Variants in CACNA1S observed in about 807,000 individuals in gnomAD.
CACNA1S encodes the protein calcium voltage-gated channel subunit alpha1 S.
A neutral mutation model predicts 207.4 loss-of-function variants in CACNA1S; 126 were observed. The observed-to-expected ratio is 0.61, with a 90% CI of 0.53 to 0.70. The LOEUF (loss-of-function observed/expected upper bound fraction) is 0.70. Among genes scored for constraint, CACNA1S ranks in the 30% least tolerant of loss-of-function variants. The probability of loss-of-function intolerance (pLI) is 0.00; values close to 1 mark genes in which losing one functional copy is unlikely to be tolerated. For missense variants in CACNA1S, 2,349 were observed against 2,422.8 expected (o/e 0.97, Z 0.64); for synonymous variants, 960 against 932.7 (o/e 1.03, Z -0.53).
At chr1:201,063,184 A>T (rs1661127451) in intron 22 of CACNA1S, among the ~76,000 whole-genome samples, 2 of 148,760 alleles carry the variant, frequency 1.3e-5, no homozygotes, top group African/African-American at 5.0e-5. Flanking sequence ...ATTTTTTTTA[A>T]ATTATACTTT....
chr1:201,070,869 G>T (rs1203887682), intron 16 of CACNA1S, among the ~76,000 whole-genome samples: 1 of 152,142 alleles, frequency 6.6e-6, no homozygotes, highest in Non-Finnish European at 1.5e-5. Context: ...GGGCAGGAGG[G>T]TTGTTGAAAT....
rs1660724805 is a variant in CACNA1S, at chr1:201,053,349, T to C, written c.3796-75A>G. 6.2e-7 allele frequency: 1 copy of C among 1,609,710 alleles called. No individual in the cohort carries two copies. The highest frequency in any genetic ancestry group is 1.7e-5 in the Admixed American group (1 of 59,960). On this transcript the variant is annotated intron_variant, in intron 30 of 43. Coordinates refer to ENST00000362061, the MANE Select transcript of CACNA1S (RefSeq NM_000069.3). The surrounding 1 kb of genome is among the most constrained non-coding windows in gnomAD (Gnocchi z 5.1). The stretch of plus-strand genomic sequence containing the variant: ...GTCTGCAGCCCTGCCCTCTGTTAGC[T>C]CCCCAGGGCTCTGCCTTGCCCAGGG...
chr1:201,083,428 AC>A, intron 9 of CACNA1S, 106 bp from the exon 10 acceptor site: 1 of 1,141,514 alleles, frequency 8.8e-7, no homozygotes, highest in Admixed American at 1.7e-5. Flanking sequence ...TGACCACCCC[AC>A]TTCCGCCAGC....
intron 13 of CACNA1S, 129 bp downstream of exon 13, chr1:201,075,366 G>T: frequency 9.4e-7 from 1 of 1,060,700 alleles, no homozygotes; most frequent in Non-Finnish European, 1.4e-6. Context: ...CTACCGCATG[G>T]GCCTGGGAGC....
chr1:201,039,949 C>A lies in CACNA1S; in HGVS notation c.5504G>T (p.Gly1835Val). 1 of 1,614,202 alleles carries A rather than the reference C, an allele frequency of 6.2e-7. No individual in the cohort carries two copies. Among genetic ancestry groups the A allele is most frequent in the South Asian group, 1.1e-5 (1 of 91,090 alleles). The change falls in exon 44 of 44, where the codon GGA (glycine) becomes GTA (valine). Residue 1835 changes from glycine (G) to valine (V), a missense_variant. Physicochemically the swap from Gly to Val is moderately radical, Grantham distance 109 (BLOSUM62 -3). Coordinates refer to ENST00000362061, the MANE Select transcript of CACNA1S (RefSeq NM_000069.3). ...VEIMATELLKGREAPEGMASS... is the reference protein window; with the variant it reads ...VEIMATELLKVREAPEGMASS... ...GGCCATGCCCTCTGGGGCCTCTCGTCCTTTCAGTAGCTCTGTTGCCATGAT... is the reference window on the plus strand; with the variant it reads ...GGCCATGCCCTCTGGGGCCTCTCGTACTTTCAGTAGCTCTGTTGCCATGAT...
At chr1:201,073,278 G>A (rs573456538) in intron 15 of CACNA1S, among the ~76,000 whole-genome samples, 9 of 152,198 alleles carry the variant, frequency 5.9e-5, no homozygotes, top group African/African-American at 7.2e-5. Context: ...GTGTCAGGGA[G>A]AGGAAATACC....
chr1:201,078,980 G>A (rs1277341398), intron 10 of CACNA1S, among the ~76,000 whole-genome samples: 1 of 151,868 alleles, frequency 6.6e-6, no homozygotes, highest in Non-Finnish European at 1.5e-5. Flanking sequence ...AAGTAGCTGG[G>A]TGTGGTGGCA....
Position 201,065,915 on chromosome 1 carries a change from T to C in CACNA1S, c.2776A>G (p.Ser926Gly). The C allele has an allele frequency of 6.2e-7, 1 of 1,613,866 alleles. No homozygotes were observed. The highest frequency in any genetic ancestry group is 1.1e-5 in the South Asian group (1 of 91,054). ...HVVQCMFVAI[S>G]TIGNIVLVTT... ...ACCAGCACGATGTTCCCGATGGTGC[T>C]GATGGCCACGAACATGCACTGCACC... The change falls in exon 22 of 44, where the codon AGC becomes GGC. Residue 926 changes from serine to glycine, a missense_variant. By Grantham distance (56) the Ser-to-Gly change is moderately conservative (BLOSUM62 0). Transcript: ENST00000362061.
chr1:201,087,842 G>A lies in CACNA1S; in HGVS notation c.988C>T (p.Leu330=). 5 of 1,612,140 alleles carry A rather than the reference G, an allele frequency of 3.1e-6. No individual in the cohort carries two copies. Among genetic ancestry groups the A allele is most frequent in the South Asian group, 1.1e-5 (1 of 91,016 alleles). ...ATTTCTTACCCACTCAGGACACCCA[G>A]CACCAGGTTGAGGATGAAGAAGGAT... ...LGSFFILNLV[L]GVLSGEFTKE... is the part of the protein sequence containing the mutation. The change falls in exon 7 of 44, where the codon CTG becomes TTG. Residue 330 remains leucine (L), a synonymous_variant. Transcript: ENST00000362061.
chr1:201,078,117 T>A lies in CACNA1S; in HGVS notation c.1394-13A>T, dbSNP rs1277638983. 2 of 1,594,358 alleles carry A rather than the reference T, an allele frequency of 1.3e-6. No individual in the cohort carries two copies. The highest frequency in any genetic ancestry group is 3.3e-5 in the Admixed American group (2 of 59,992). ...CGGTTGGCAATGTCTGTAGGGTTGG[T>A]GGCACAGCCCCGGCATCACTCTCCT... On this transcript the variant is annotated splice_polypyrimidine_tract_variant and intron_variant, in intron 10 of 43. Transcript: ENST00000362061.
Position 201,047,135 on chromosome 1 carries a change from T to G in CACNA1S, c.4648A>C (p.Lys1550Gln). 6.2e-7 allele frequency: 1 copy of G among 1,614,216 alleles called. No homozygotes were observed. The highest frequency in any genetic ancestry group is 8.5e-7 in the Non-Finnish European group (1 of 1,180,034). The change falls in exon 38 of 44, where the codon AAG becomes CAG. Residue 1550 changes from lysine (K) to glutamine (Q), a missense_variant. By Grantham distance (53) the Lys-to-Gln change is moderately conservative. Transcript: ENST00000362061. The part of the protein sequence containing the change: ...QEEYYGYRPK[K>Q]DIVQIQAGLR... ...CTTACCTGGATCTGTACAATGTCCT[T>G]CTTGGGCCGATAGCCATAATACTCC...
Position 201,076,941 on chromosome 1 carries a change from T to C in CACNA1S, c.1806A>G (p.Gln602=). ...CTACCTGGAAGACGCTGATGAGGGC[T>C]TGGGGAAAGTTGTCAAAGTTGCTGC... ...VRRSNFDNFP[Q]ALISVFQVLT... Residue 602 remains glutamine (Q), a synonymous_variant, in exon 12 of 44, where the codon CAA becomes CAG. Transcript: ENST00000362061. 6.2e-7 allele frequency: 1 copy of C among 1,614,162 alleles called. No homozygotes were observed. The highest frequency in any genetic ancestry group is 8.5e-7 in the Non-Finnish European group (1 of 1,180,030).
chr1:201,062,388 G>C (rs1431986386), intron 23 of CACNA1S, 74 bp downstream of exon 23: 5 of 1,427,576 alleles, frequency 3.5e-6, no homozygotes, highest in Non-Finnish European at 4.9e-6. Flanking sequence ...CTCCCACAGT[G>C]CTCCCTGCCC....
At chr1:201,105,494 A>C (rs554166490) in intron 2 of CACNA1S, among the ~76,000 whole-genome samples, 134 of 152,312 alleles carry the variant, frequency 8.8e-4, no homozygotes, top group African/African-American at 3.0e-3. Flanking sequence ...CTGGGCTCAA[A>C]AGCAGATTCT....
Position 201,047,578 on chromosome 1 carries a change from ATCT to A in CACNA1S, c.4487_4489del (p.Lys1496del), listed in dbSNP as rs1334281001. ...GAGCTTCATGCTGGTTCTCTTCCAG[ATCT>A]TCTTGATGATGGCCCTCAGCTCCTC... On this transcript the variant is annotated inframe_deletion, in exon 37 of 44. Coordinates refer to ENST00000362061, the MANE Select transcript of CACNA1S (RefSeq NM_000069.3). The A allele has an allele frequency of 5.0e-6, 8 of 1,614,048 alleles. No homozygotes were observed. In the South Asian group the frequency reaches 7.7e-5, roughly 16 times the overall value.
intron 3 of CACNA1S, 134 bp from the exon 4 acceptor site, chr1:201,092,248 C>T: frequency 2.4e-6 from 2 of 818,772 alleles, no homozygotes; most frequent in South Asian, 3.1e-5. Flanking sequence ...AATACGGGTG[C>T]ATCAACTAAC....
In CACNA1S at chr1:201,047,401, A is replaced by T; in HGVS notation, c.4543+124T>A. Reference sequence around the variant, plus strand: ...CATCCTGAGGTTGGATGCCCGTGGGATCTACCTAAGGCATTTATGGAGGAT... The same window carrying T: ...CATCCTGAGGTTGGATGCCCGTGGGTTCTACCTAAGGCATTTATGGAGGAT... On this transcript the variant is annotated intron_variant, in intron 37 of 43. Coordinates refer to ENST00000362061, the MANE Select transcript of CACNA1S (RefSeq NM_000069.3). 5.6e-6 allele frequency: 7 copies of T among 1,242,642 alleles called. No homozygotes were observed. In the South Asian group the frequency reaches 8.7e-5, roughly 15 times the overall value. 77.0% of individuals were successfully genotyped at this position (1,242,642 alleles called of 1,614,324 possible). A position where few individuals can be genotyped will look rare whatever the true frequency, so the allele number is the denominator to read the frequency against.
rs186428942 is a variant in CACNA1S, at chr1:201,047,003, T to C, written c.4668+112A>G. On this transcript the variant is annotated intron_variant, in intron 38 of 43. Coordinates refer to ENST00000362061, the MANE Select transcript of CACNA1S (RefSeq NM_000069.3). ...ATTTTTTCACTCTTCTGGGCTTCCTTTTTCCCTCTATGTCTCCATCATTGG... is the reference window on the plus strand; with the variant it reads ...ATTTTTTCACTCTTCTGGGCTTCCTCTTTCCCTCTATGTCTCCATCATTGG... The C allele has an allele frequency of 9.8e-6, 14 of 1,435,268 alleles. No homozygotes were observed. In the East Asian group the frequency reaches 3.2e-4, roughly 33 times the overall value. 88.9% of individuals were successfully genotyped at this position (1,435,268 alleles called of 1,614,324 possible).
Position 201,043,357 on chromosome 1 carries a change from G to A in CACNA1S, c.4972C>T (p.Arg1658Cys), listed in dbSNP as rs147392278. 3.4e-4 allele frequency: 544 copies of A among 1,614,190 alleles called. No individual in the cohort carries two copies. Among genetic ancestry groups the A allele is most frequent in the Admixed American group, 9.2e-4 (55 of 60,028 alleles). ...PQDPRTNPLA[R>C]ANTNNANANV... ...GCGTTGGCATTGTTGGTATTGGCAC[G>A]AGCCAGGGGGTTGGTGCGTGGATCT... is the stretch of plus-strand genomic sequence containing the variant. Residue 1658 changes from arginine to cysteine, a missense_variant, in exon 40 of 44, where the codon CGT becomes TGT. Transcript: ENST00000362061.
Sources: gnomAD v4.1 joint callset for allele counts (sites outside exome capture counted in the v4.1 genomes callset) on GRCh38, gnomAD v4.1.1 for gene constraint, Gnocchi (gnomAD v3.1) non-coding constraint, MANE v1.5 for transcripts, NCBI Gene and HGNC (gene_info 2026-07-23, HGNC 2026-07-21) for gene names.